Variants in CTNNA3 observed in about 807,000 individuals in gnomAD.
The protein encoded by CTNNA3 is catenin alpha-3.
A neutral mutation model predicts 95.7 loss-of-function variants in CTNNA3; 76 were observed. The observed-to-expected ratio is 0.79, with a 90% CI of 0.66 to 0.96. CTNNA3 has a LOEUF of 0.96. Ranked by LOEUF, CTNNA3 falls within the 40% of genes least tolerant of loss-of-function variation. The pLI is 0.00. For synonymous variants in CTNNA3, 431 were observed against 374.4 expected (o/e 1.15, Z -1.74); for missense variants, 1,191 against 1,089.8 (o/e 1.09, Z -1.31).
At chr10:67,361,425 C>G (rs1842987330) in intron 5 of CTNNA3, among the ~76,000 whole-genome samples, 1 of 152,288 alleles carries the variant, frequency 6.6e-6, no homozygotes, top group South Asian at 2.1e-4. Context: ...ACCAACCATA[C>G]TCTTGGACCA....
At chr10:66,607,744 G>A (rs1041722182) in intron 10 of CTNNA3, among the ~76,000 whole-genome samples, 1 of 152,088 alleles carries the variant, frequency 6.6e-6, no homozygotes, top group African/African-American at 2.4e-5. Flanking sequence ...ATAAAATTCA[G>A]TATCACTTTT....
intron 11 of CTNNA3, among the ~76,000 whole-genome samples, chr10:66,427,809 T>G (rs1020986063): frequency 6.6e-6 from 1 of 152,106 alleles, no homozygotes; most frequent in Non-Finnish European, 1.5e-5. Context: ...CTCCAAATTG[T>G]AAAGACCATC....
chr10:66,102,180 C>T (rs2133740598), intron 14 of CTNNA3, among the ~76,000 whole-genome samples: 1 of 152,144 alleles, frequency 6.6e-6, no homozygotes, highest in South Asian at 2.1e-4. Flanking sequence ...GAATTTGCTT[C>T]CATCTCCAAA....
rs566777070 is a variant in CTNNA3 at position 66,461,546 on chromosome 10, G to A, written c.1531+59071C>T. ...CGGATCCATCCCTGCTTCTTGGGTA[G>A]TGCGTCAATAAGACTCTTGGCAGGA... On this transcript the variant is annotated intron_variant, in intron 11 of 17. Coordinates refer to ENST00000433211, the MANE Select transcript of CTNNA3 (RefSeq NM_013266.4). 2.6e-5 allele frequency among the ~76,000 whole-genome samples: 4 copies of A among 151,978 alleles called. No individual in the cohort carries two copies. In the South Asian group the frequency reaches 6.3e-4, roughly 24 times the overall value.
intron 9 of CTNNA3, among the ~76,000 whole-genome samples, chr10:66,734,903 T>C (rs1344913412): frequency 2.6e-5 from 4 of 151,620 alleles, no homozygotes; most frequent in African/African-American, 9.7e-5. Context: ...TTTTATTACA[T>C]TACGGAATCT....
At chr10:66,532,622 T>C (rs1476185691) in intron 10 of CTNNA3, among the ~76,000 whole-genome samples, 2 of 152,176 alleles carry the variant, frequency 1.3e-5, no homozygotes, top group Admixed American at 6.5e-5. Flanking sequence ...ATTTTTGCTC[T>C]GTGTCTACCA....
chr10:67,348,591 G>C (rs547086679), intron 5 of CTNNA3, among the ~76,000 whole-genome samples: 1 of 152,092 alleles, frequency 6.6e-6, no homozygotes, highest in Non-Finnish European at 1.5e-5. Flanking sequence ...CACATGATAA[G>C]AGAGAGAGCA....
At chr10:67,462,486 A>G (rs74142804) in intron 5 of CTNNA3, among the ~76,000 whole-genome samples, 11,929 of 152,232 alleles carry the variant, frequency 0.078, 1,101 homozygotes, top group East Asian at 0.35. Context: ...TGGGAAAATG[A>G]CATCACAAAT....
At chr10:67,324,214 T>G (rs1266588879) in intron 5 of CTNNA3, among the ~76,000 whole-genome samples, 1 of 152,190 alleles carries the variant, frequency 6.6e-6, no homozygotes, top group African/African-American at 2.4e-5. Context: ...TGGATGCTCT[T>G]ATTTTCTTTC....
At position 66,103,267 on chromosome 10, in the gene CTNNA3, A is replaced by T. The variant is rs918780315; in HGVS notation, c.1885-18T>A. On this transcript the variant is annotated intron_variant, in intron 13 of 17. Coordinates refer to ENST00000433211, the MANE Select transcript of CTNNA3 (RefSeq NM_013266.4). ...TCTGGGGTCTATAAAAAGAAAGCAA[A>T]ACATTGCTAGTGGGAATGTAAAAGC... 1.8e-5 allele frequency: 28 copies of T among 1,582,284 alleles called. No homozygotes were observed. The highest frequency in any genetic ancestry group is 2.3e-5 in the Non-Finnish European group (27 of 1,151,060).
chr10:66,679,183 C>T (rs1010670028), intron 9 of CTNNA3, among the ~76,000 whole-genome samples: 1 of 152,032 alleles, frequency 6.6e-6, no homozygotes, highest in African/African-American at 2.4e-5. Context: ...TAGACTAAGT[C>T]AGTAGCAGAC....
At chr10:66,555,870 G>A (rs1031408772) in intron 10 of CTNNA3, among the ~76,000 whole-genome samples, 5 of 151,482 alleles carry the variant, frequency 3.3e-5, no homozygotes, top group Admixed American at 1.3e-4. Flanking sequence ...TAAACAAGTG[G>A]AACTATATCA....
At chr10:66,570,336 T>C (rs1015865715) in intron 10 of CTNNA3, among the ~76,000 whole-genome samples, 1 of 152,054 alleles carries the variant, frequency 6.6e-6, no homozygotes, top group Non-Finnish European at 1.5e-5. Flanking sequence ...TCGCCCAGGC[T>C]GGAGTGCAGT....
chr10:66,079,487 A>AT (rs2080661930), intron 14 of CTNNA3, among the ~76,000 whole-genome samples: 1 of 151,914 alleles, frequency 6.6e-6, no homozygotes. Context: ...TTTTAATCAT[A>AT]TTTTTGCATG....
intron 7 of CTNNA3, among the ~76,000 whole-genome samples, chr10:67,114,077 C>CAA (rs11454339): frequency 8.3e-4 from 113 of 136,302 alleles, no homozygotes; most frequent in African/African-American, 1.9e-3. Context: ...GGGGAGAACT[C>CAA]AAAAAAAAAA....
chr10:66,844,405 G>T (rs1038355721), intron 7 of CTNNA3, among the ~76,000 whole-genome samples: 3 of 152,164 alleles, frequency 2.0e-5, no homozygotes, highest in African/African-American at 7.2e-5. Context: ...GGTGAGACTT[G>T]TAAAATTAAT....
At chr10:66,825,422 T>C (rs973940865) in intron 7 of CTNNA3, among the ~76,000 whole-genome samples, 1 of 151,552 alleles carries the variant, frequency 6.6e-6, no homozygotes, top group African/African-American at 2.4e-5. Flanking sequence ...ATTATAGCTG[T>C]GCGCCACCAC....
At chr10:66,577,496 T>C (rs887726265) in intron 10 of CTNNA3, among the ~76,000 whole-genome samples, 1 of 152,056 alleles carries the variant, frequency 6.6e-6, no homozygotes, top group Admixed American at 6.6e-5. Context: ...TTGAGTTAAT[T>C]TGGGTATATG....
chr10:66,970,958 T>G (rs996667333), intron 7 of CTNNA3, among the ~76,000 whole-genome samples: 20 of 152,226 alleles, frequency 1.3e-4, no homozygotes, highest in Admixed American at 3.3e-4. Flanking sequence ...CTATTAATTG[T>G]GCCAGGATTT....
Sources: allele counts gnomAD v4.1 joint callset (sites outside exome capture counted in the v4.1 genomes callset), GRCh38; gene constraint gnomAD v4.1.1; transcripts MANE v1.5; gene names NCBI Gene and HGNC (gene_info 2026-07-23, HGNC 2026-07-21).